SPMIP2: variants seen among roughly 807,000 people sequenced by gnomAD.
The protein encoded by SPMIP2 is sperm microtubule inner protein 2.
At chr4:158,953,025 G>A in the SPMIP2 span, among the ~76,000 whole-genome samples, 1 of 152,326 alleles carries the variant, frequency 6.6e-6, no homozygotes, top group East Asian at 1.9e-4. Flanking sequence ...AAAATTTGCA[G>A]CCTGACAATG....
At chr4:159,063,578 T>TAAAA in the SPMIP2 span, among the ~76,000 whole-genome samples, 2 of 151,114 alleles carry the variant, frequency 1.3e-5, no homozygotes, top group Non-Finnish European at 3.0e-5. Context: ...AATAAATAAA[T>TAAAA]AAAAATAAAA....
At chr4:158,917,186 G>A in the SPMIP2 span, among the ~76,000 whole-genome samples, 2 of 152,160 alleles carry the variant, frequency 1.3e-5, no homozygotes, top group Non-Finnish European at 2.9e-5. Context: ...GGAGGTAGAG[G>A]TTGCAGTGAG....
At chr4:158,924,417 T>C in the SPMIP2 span, among the ~76,000 whole-genome samples, 1 of 152,244 alleles carries the variant, frequency 6.6e-6, no homozygotes, top group Admixed American at 6.5e-5. Context: ...TTTGCTCTTG[T>C]TGCACAGACT....
At chr4:159,023,852 C>T in the SPMIP2 span, among the ~76,000 whole-genome samples, 2 of 152,192 alleles carry the variant, frequency 1.3e-5, no homozygotes, top group Non-Finnish European at 2.9e-5. Context: ...GCTCCTCCAG[C>T]CAGAGAAGGT....
At chr4:159,051,867 CT>C in the SPMIP2 span, among the ~76,000 whole-genome samples, 1 of 152,144 alleles carries the variant, frequency 6.6e-6, no homozygotes, top group Non-Finnish European at 1.5e-5. Flanking sequence ...TGTTTCATTA[CT>C]GTTTAATATT....
chr4:159,069,581 A>C, the SPMIP2 span, among the ~76,000 whole-genome samples: 89,955 of 150,328 alleles, frequency 0.6, 27,335 homozygotes, highest in East Asian at 0.79. Flanking sequence ...ACCACAGGCA[A>C]GTGCCACCAC....
the SPMIP2 span, among the ~76,000 whole-genome samples, chr4:158,914,423 A>G: frequency 1.3e-5 from 2 of 152,236 alleles, no homozygotes; most frequent in Non-Finnish European, 1.5e-5. Flanking sequence ...GTGAATTGGC[A>G]AGATTCTCCA....
chr4:158,985,561 A>G, the SPMIP2 span, among the ~76,000 whole-genome samples: 2 of 152,248 alleles, frequency 1.3e-5, no homozygotes, highest in Admixed American at 1.3e-4. Flanking sequence ...GATGCAGAAA[A>G]GGCCTTTGAA....
chr4:159,034,244 C>T, the SPMIP2 span, among the ~76,000 whole-genome samples: 1 of 152,222 alleles, frequency 6.6e-6, no homozygotes, highest in Non-Finnish European at 1.5e-5. Flanking sequence ...ATTATAATTT[C>T]ACACACACTG....
At chr4:158,925,629 G>C in the SPMIP2 span, among the ~76,000 whole-genome samples, 1 of 152,156 alleles carries the variant, frequency 6.6e-6, no homozygotes, top group Non-Finnish European at 1.5e-5. Flanking sequence ...TCACAAAAGG[G>C]TTCACAGTCT....
chr4:158,951,548 G>GT, the SPMIP2 span, among the ~76,000 whole-genome samples: 3 of 152,174 alleles, frequency 2.0e-5, no homozygotes, highest in South Asian at 6.2e-4. Flanking sequence ...AAGAATGAAT[G>GT]TTAAATTCCC....
At chr4:159,056,149 C>T in the SPMIP2 span, among the ~76,000 whole-genome samples, 1 of 152,136 alleles carries the variant, frequency 6.6e-6, no homozygotes, top group Non-Finnish European at 1.5e-5. Context: ...GCAATATGCA[C>T]TATATAAATA....
the SPMIP2 span, among the ~76,000 whole-genome samples, chr4:158,920,623 A>T: frequency 6.6e-6 from 1 of 152,152 alleles, no homozygotes; most frequent in Non-Finnish European, 1.5e-5. Flanking sequence ...CCGCCCTGGT[A>T]AATTTGTGGT....
the SPMIP2 span, among the ~76,000 whole-genome samples, chr4:158,956,822 G>T: frequency 6.6e-6 from 1 of 151,940 alleles, no homozygotes; most frequent in East Asian, 1.9e-4. Context: ...CTTTCCCCTG[G>T]CCCCAGCTCT....
At chr4:159,071,775 G>GT in the SPMIP2 span, among the ~76,000 whole-genome samples, 1 of 149,080 alleles carries the variant, frequency 6.7e-6, no homozygotes, top group East Asian at 1.9e-4. Context: ...AAGCTGTGGA[G>GT]TTGTGGTGGA....
chr4:158,958,836 T>C, the SPMIP2 span, among the ~76,000 whole-genome samples: 2 of 152,216 alleles, frequency 1.3e-5, no homozygotes, highest in Non-Finnish European at 2.9e-5. Context: ...ACTAGTTAAA[T>C]AGGACCCAAG....
the SPMIP2 span, chr4:159,026,521 G>T: frequency 1.7e-6 from 1 of 602,292 alleles, no homozygotes; most frequent in South Asian, 1.5e-5. Context: ...TAAAAAAGTA[G>T]AATAAAAATT....
At chr4:158,999,296 T>C in the SPMIP2 span, among the ~76,000 whole-genome samples, 1 of 152,214 alleles carries the variant, frequency 6.6e-6, no homozygotes, top group African/African-American at 2.4e-5. Context: ...ATCACAATTA[T>C]AGACAAGTTA....
At chr4:159,042,990 C>G in the SPMIP2 span, among the ~76,000 whole-genome samples, 1 of 152,220 alleles carries the variant, frequency 6.6e-6, no homozygotes, top group East Asian at 1.9e-4. Context: ...TAAAACTCCT[C>G]TACTCTGACC....
Sources: gnomAD v4.1 joint callset for allele counts (sites outside exome capture counted in the v4.1 genomes callset) on GRCh38, gnomAD v4.1.1 for gene constraint, MANE v1.5 for transcripts, NCBI Gene and HGNC (gene_info 2026-07-23, HGNC 2026-07-21) for gene names.